The following SHQ1 variants were observed in gnomAD, a reference collection of about 807,000 sequenced individuals.
SHQ1 encodes protein SHQ1 homolog.
A neutral mutation model predicts 53.8 loss-of-function variants in SHQ1; 49 were observed. The observed-to-expected ratio is 0.91, with a 90% CI of 0.72 to 1.16. The LOEUF is 1.16. Among genes scored for constraint, SHQ1 ranks in the 50% most tolerant of loss-of-function variants. The probability of loss-of-function intolerance (pLI) is 0.00; values close to 1 mark genes in which losing one functional copy is unlikely to be tolerated. For missense variants in SHQ1, 738 were observed against 683.1 expected, an observed-to-expected ratio of 1.08 and a Z score of -0.90; for synonymous variants, 243 against 251.0, an observed-to-expected ratio of 0.97 and a Z score of 0.30.
intron 2 of SHQ1, among the ~76,000 whole-genome samples, chr3:72,842,605 AT>A (rs1203341009): frequency 6.6e-6 from 1 of 152,130 alleles, no homozygotes; most frequent in African/African-American, 2.4e-5. Context: ...AAAGAAAAAA[AT>A]AAATAAATAA....
intron 4 of SHQ1, among the ~76,000 whole-genome samples, chr3:72,840,487 C>CAG (rs907030904): frequency 6.0e-5 from 9 of 150,492 alleles, no homozygotes; most frequent in Non-Finnish European, 1.0e-4. Context: ...ACCCTAGAGG[C>CAG]AGAGGCTGCC....
At chr3:72,840,040 AC>A (rs1360738054) in intron 4 of SHQ1, among the ~76,000 whole-genome samples, 1 of 151,930 alleles carries the variant, frequency 6.6e-6, no homozygotes, top group Non-Finnish European at 1.5e-5. Flanking sequence ...GATTACACGC[AC>A]CACCACATCC....
intron 10 of SHQ1, among the ~76,000 whole-genome samples, chr3:72,765,555 ATATTTTTTTTT>A (rs1705706504): frequency 1.4e-5 from 1 of 71,768 alleles, no homozygotes; most frequent in African/African-American, 6.5e-5. Context: ...ATATATATAT[ATATTTTTTTTT>A]TTTTTTTGAG....
chr3:72,747,897 G>A (rs145975968), downstream of SHQ1, among the ~76,000 whole-genome samples: 4 of 152,140 alleles, frequency 2.6e-5, no homozygotes, highest in Non-Finnish European at 4.4e-5. Flanking sequence ...GCTGAGGCAG[G>A]AGAATCACTT....
At chr3:72,846,799 G>C (rs891331373) in intron 1 of SHQ1, among the ~76,000 whole-genome samples, 3 of 152,120 alleles carry the variant, frequency 2.0e-5, no homozygotes, top group Non-Finnish European at 4.4e-5. Flanking sequence ...TCCATCCACG[G>C]CAACGGGTAA....
intron 10 of SHQ1, among the ~76,000 whole-genome samples, chr3:72,787,922 G>T (rs1470181605): frequency 1.3e-5 from 2 of 152,200 alleles, no homozygotes; most frequent in Non-Finnish European, 2.9e-5. Context: ...CGCCGTGCTG[G>T]CCGGGCTGGT....
the SHQ1 span, among the ~76,000 whole-genome samples, chr3:72,743,164 G>A: frequency 6.6e-6 from 1 of 152,140 alleles, no homozygotes; most frequent in African/African-American, 2.4e-5. Context: ...TAATTTTGTA[G>A]AAATCAATAC....
chr3:72,804,774 G>A (rs545081424), intron 9 of SHQ1, among the ~76,000 whole-genome samples: 14 of 152,196 alleles, frequency 9.2e-5, no homozygotes, highest in Non-Finnish European at 1.6e-4. Flanking sequence ...AGGATAGCTT[G>A]AGCCCAAGAG....
the SHQ1 span, among the ~76,000 whole-genome samples, chr3:72,739,302 C>G: frequency 6.6e-6 from 1 of 152,130 alleles, no homozygotes; most frequent in Non-Finnish European, 1.5e-5. Context: ...CACCGACAAT[C>G]CCCCTCCTCA....
chr3:72,742,226 A>G, the SHQ1 span, among the ~76,000 whole-genome samples: 2 of 152,016 alleles, frequency 1.3e-5, no homozygotes, highest in African/African-American at 4.8e-5. Flanking sequence ...GTAAAAAATA[A>G]TAACGTAAAA....
chr3:72,813,283 A>G (rs572249072), intron 8 of SHQ1, among the ~76,000 whole-genome samples: 15 of 152,004 alleles, frequency 9.9e-5, no homozygotes, highest in African/African-American at 3.6e-4. Context: ...CCTGGCCAAC[A>G]TGGCAAAACC....
chr3:72,803,260 T>G (rs548536184), intron 9 of SHQ1, among the ~76,000 whole-genome samples: 42 of 152,324 alleles, frequency 2.8e-4, no homozygotes, highest in African/African-American at 8.4e-4. Context: ...ACTTTCTACT[T>G]CTTTTTAAAA....
the SHQ1 span, among the ~76,000 whole-genome samples, chr3:72,726,571 C>T: frequency 6.6e-6 from 1 of 152,144 alleles, no homozygotes; most frequent in Non-Finnish European, 1.5e-5. Flanking sequence ...AGGCTGGTCT[C>T]GAACTCCTGA....
At chr3:72,742,619 C>CTTTTTTTTTTT in the SHQ1 span, among the ~76,000 whole-genome samples, 232 of 128,556 alleles carry the variant, frequency 1.8e-3, 3 homozygotes, top group Non-Finnish European at 2.3e-3. Flanking sequence ...TTCTTTTTTT[C>CTTTTTTTTTTT]TTTTTTTTTT....
intron 9 of SHQ1, among the ~76,000 whole-genome samples, chr3:72,807,871 T>C (rs1707001434): frequency 6.6e-6 from 1 of 152,186 alleles, no homozygotes; most frequent in African/African-American, 2.4e-5. Flanking sequence ...AATTAATAAT[T>C]GATAAGTAAG....
At chr3:72,728,200 G>C in the SHQ1 span, among the ~76,000 whole-genome samples, 2 of 152,106 alleles carry the variant, frequency 1.3e-5, no homozygotes, top group Non-Finnish European at 2.9e-5. Flanking sequence ...TATCTGCCTC[G>C]GAGTCTGCTT....
intron 4 of SHQ1, among the ~76,000 whole-genome samples, chr3:72,833,530 T>C (rs55841421): frequency 2.3e-4 from 30 of 132,138 alleles, no homozygotes; most frequent in African/African-American, 8.3e-4. Flanking sequence ...AGATGGATGA[T>C]AGACAGATAG....
intron 10 of SHQ1, chr3:72,753,009 T>C (rs945840444): frequency 1.0e-6 from 1 of 985,234 alleles, no homozygotes; most frequent in East Asian, 1.1e-4. Context: ...TAATATTACA[T>C]TGTATCGAGT....
At chr3:72,783,046 G>A (rs560402777) in intron 10 of SHQ1, among the ~76,000 whole-genome samples, 6 of 152,148 alleles carry the variant, frequency 3.9e-5, no homozygotes, top group Non-Finnish European at 8.8e-5. Context: ...ACAAGGAGAT[G>A]AAGGAAAATA....
Sources: allele counts gnomAD v4.1 joint callset (sites outside exome capture counted in the v4.1 genomes callset), GRCh38; gene constraint gnomAD v4.1.1; transcripts MANE v1.5; gene names NCBI Gene and HGNC (gene_info 2026-07-23, HGNC 2026-07-21).